The following FDFT1 variants were observed in gnomAD, a reference collection of about 807,000 sequenced individuals.
The protein encoded by FDFT1 is squalene synthase.
In FDFT1, 68 loss-of-function variants were observed where a neutral mutation model predicts 46.8. The ratio of observed to expected loss-of-function variants is 1.45; its 90% CI spans 1.19 to 1.78. The LOEUF (loss-of-function observed/expected upper bound fraction) is 1.78. Ranked by LOEUF, FDFT1 falls within the 40% of genes most tolerant of loss-of-function variation. The pLI is 0.00. For missense variants in FDFT1, 928 were observed against 524.4 expected (o/e 1.77, Z -7.52); for synonymous variants, 351 against 185.1 (o/e 1.90, Z -7.28).
rs764843805 is a variant in FDFT1 at position 11,809,339 on chromosome 8, C to G, written c.198-328C>G. The stretch of plus-strand genomic sequence containing the variant: ...AGAAGTTACTGTGTTTTTTGACTTT[C>G]TTTTCTATTTGCTACATATTAGTTC... On this transcript the variant is annotated intron_variant, in intron 2 of 7. Transcript: ENST00000220584. 12 of 1,099,244 alleles carry G rather than the reference C, an allele frequency of 1.1e-5. No individual in the cohort carries two copies. The African/African-American group carries it at 1.2e-4, about 11-fold the overall frequency. The allele number at this position is 1,099,244 out of a possible 1,614,324, so 68.1% of individuals were successfully genotyped here. A position where few individuals can be genotyped will look rare whatever the true frequency, so the allele number is the denominator to read the frequency against.
chr8:11,797,271 C>G (rs998802512), upstream of FDFT1, among the ~76,000 whole-genome samples: 1 of 152,114 alleles, frequency 6.6e-6, no homozygotes, highest in Non-Finnish European at 1.5e-5. Context: ...CCTGCAGCAG[C>G]GGTTGTTTAA....
chr8:11,816,209 TC>T (rs1808424204), intron 3 of FDFT1, among the ~76,000 whole-genome samples: 1 of 152,206 alleles, frequency 6.6e-6, no homozygotes, highest in African/African-American at 2.4e-5. Flanking sequence ...AGGCCTCTGT[TC>T]CGTTCCATTG....
chr8:11,824,371 G>C (rs1250059193), intron 4 of FDFT1, among the ~76,000 whole-genome samples: 1 of 152,200 alleles, frequency 6.6e-6, no homozygotes, highest in Non-Finnish European at 1.5e-5. Flanking sequence ...TCTCTGTTGA[G>C]AGAGGGGAAG....
upstream of FDFT1, among the ~76,000 whole-genome samples, chr8:11,800,947 A>G (rs1466768726): frequency 6.6e-6 from 1 of 152,134 alleles, no homozygotes; most frequent in Non-Finnish European, 1.5e-5. Flanking sequence ...TTTAGTTTAC[A>G]GTAGTAGGGG....
intron 1 of FDFT1, chr8:11,803,245 A>G (rs1161289503): frequency 1.0e-5 from 14 of 1,374,910 alleles, no homozygotes; most frequent in Admixed American, 2.2e-5. Context: ...CCCGAGGGTT[A>G]CACATCTGAG....
At chr8:11,808,368 G>C in intron 1 of FDFT1, 3 of 1,235,280 alleles carry the variant, frequency 2.4e-6, no homozygotes, top group Non-Finnish European at 3.0e-6. Flanking sequence ...GGGAGGCCGG[G>C]GGCGGGGCTG....
chr8:11,805,796 A>G (rs1389698039), intron 1 of FDFT1, among the ~76,000 whole-genome samples: 2 of 152,232 alleles, frequency 1.3e-5, no homozygotes, highest in African/African-American at 4.8e-5. Context: ...AGGGTTGTAT[A>G]TGCATTTTAT....
At chr8:11,827,273 T>TAC (rs1383369491) in intron 5 of FDFT1, among the ~76,000 whole-genome samples, 1 of 152,106 alleles carries the variant, frequency 6.6e-6, no homozygotes, top group Non-Finnish European at 1.5e-5. Context: ...CACAGCAAGA[T>TAC]ACCATCTCTA....
Position 11,827,928 on chromosome 8 carries a change from A to T in FDFT1, c.702+1713A>T, listed in dbSNP as rs535726896. On this transcript the variant is annotated intron_variant, in intron 5 of 7. Transcript: ENST00000220584. ...AAAAAACAGTAAAAATTGGCCGGGC[A>T]CAGTGACTCCTGCCTATAATCCCAG... Among the ~76,000 whole-genome samples the T allele has an allele frequency of 8.5e-5, 13 of 152,052 alleles. No homozygotes were observed. In the East Asian group the frequency reaches 2.5e-3, roughly 29 times the overall value.
At chr8:11,821,650 T>C in intron 3 of FDFT1, 100 bp from the exon 4 acceptor site, 8 of 1,362,660 alleles carry the variant, frequency 5.9e-6, no homozygotes, top group South Asian at 4.7e-5. Flanking sequence ...AGATGAACCA[T>C]TGCAGTCATG....
intron 4 of FDFT1, among the ~76,000 whole-genome samples, chr8:11,822,139 T>G (rs866133651): frequency 1.1e-4 from 17 of 152,200 alleles, no homozygotes; most frequent in African/African-American, 4.1e-4. Context: ...TAATTGACCA[T>G]GAAGATTAAA....
At chr8:11,832,807 T>C (rs1006638189) in intron 7 of FDFT1, among the ~76,000 whole-genome samples, 2 of 152,130 alleles carry the variant, frequency 1.3e-5, no homozygotes, top group African/African-American at 4.8e-5. Context: ...TGAAACACTG[T>C]AGACTTTATG....
intron 1 of FDFT1, among the ~76,000 whole-genome samples, chr8:11,804,284 C>T (rs902454839): frequency 3.9e-5 from 6 of 152,208 alleles, no homozygotes; most frequent in African/African-American, 1.2e-4. Context: ...CTCTATGTCT[C>T]TTTCCTTTCT....
At chr8:11,800,259 TCAAAAA>T (rs1269130288), upstream of FDFT1, among the ~76,000 whole-genome samples, 14 of 47,524 alleles carry the variant, frequency 2.9e-4, no homozygotes, top group South Asian at 1.0e-3. Flanking sequence ...AAATTCTGTC[TCAAAAA>T]AAAAAAAAAA....
chr8:11,818,990 C>T (rs944301782), intron 3 of FDFT1, among the ~76,000 whole-genome samples: 1 of 152,164 alleles, frequency 6.6e-6, no homozygotes, highest in Non-Finnish European at 1.5e-5. Context: ...GTGGCTGGTA[C>T]CAGTTGTTCC....
intron 3 of FDFT1, among the ~76,000 whole-genome samples, chr8:11,816,722 A>G (rs991825906): frequency 1.3e-5 from 2 of 152,204 alleles, no homozygotes; most frequent in East Asian, 1.9e-4. Context: ...TTGATTTTGT[A>G]TCCTGAGACT....
At chr8:11,820,278 C>T (rs543619772) in intron 3 of FDFT1, among the ~76,000 whole-genome samples, 7 of 152,154 alleles carry the variant, frequency 4.6e-5, no homozygotes, top group African/African-American at 9.7e-5. Context: ...GGAGGTGTCT[C>T]CTCCCAGTCA....
In FDFT1 at chr8:11,826,191, A is replaced by C. The variant is rs768195967; in HGVS notation, c.678A>C (p.Gly226=). 6.4e-7 allele frequency: 1 copy of C among 1,573,070 alleles called. No homozygotes were observed. Among genetic ancestry groups the C allele is most frequent in the Non-Finnish European group, 8.7e-7 (1 of 1,150,160 alleles). The part of the protein sequence containing the change: ...IIRDYLEDQQ[G]GREFWPQEVW... Reference sequence around the variant, plus strand: ...GTGACTATCTGGAAGACCAGCAAGGAGGAAGAGAGTTCTGGCCTCAAGAGG... The same window carrying C: ...GTGACTATCTGGAAGACCAGCAAGGCGGAAGAGAGTTCTGGCCTCAAGAGG... Residue 226 remains glycine (G), a synonymous_variant, in exon 5 of 8, where the codon GGA becomes GGC. Coordinates refer to ENST00000220584, the MANE Select transcript of FDFT1 (RefSeq NM_004462.5).
Position 11,835,066 on chromosome 8 carries a change from G to C in FDFT1, c.1033-3322G>C, listed in dbSNP as rs531568227. Among the ~76,000 whole-genome samples the C allele has an allele frequency of 4.6e-5, 7 of 152,336 alleles. No homozygotes were observed. The East Asian group carries it at 1.3e-3, about 29-fold the overall frequency. On this transcript the variant is annotated intron_variant, in intron 7 of 7. Transcript: ENST00000220584. ...TTGAACTCGGGAGGTGGAGGTTGTA[G>C]TGAGCTGAGATGGCACCACTGCACT...
Sources: gnomAD v4.1 joint callset for allele counts (sites outside exome capture counted in the v4.1 genomes callset) on GRCh38, gnomAD v4.1.1 for gene constraint, MANE v1.5 for transcripts, NCBI Gene and HGNC (gene_info 2026-07-23, HGNC 2026-07-21) for gene names.